Variants in GALNT18 observed in about 807,000 individuals in gnomAD.
GALNT18 encodes GalNAc-transferase 18.
GALNT18 carries 44 observed loss-of-function variants against 69.5 expected under a neutral mutation model. The observed-to-expected ratio is 0.63, with a 90% CI of 0.50 to 0.81. The LOEUF (loss-of-function observed/expected upper bound fraction) is 0.81, where lower values mean the gene tolerates loss of function less well. Among genes scored for constraint, GALNT18 ranks in the 40% least tolerant of loss-of-function variants. The pLI, the probability that GALNT18 is intolerant of heterozygous loss-of-function variation, is 0.00. For synonymous variants in GALNT18, 364 were observed against 318.2 expected, an observed-to-expected ratio of 1.14 and a Z score of -1.53; for missense variants, 715 against 810.0, an observed-to-expected ratio of 0.88 and a Z score of 1.42.
At chr11:11,303,801 T>C (rs1849535545) in intron 9 of GALNT18, among the ~76,000 whole-genome samples, 1 of 152,232 alleles carries the variant, frequency 6.6e-6, no homozygotes, top group Admixed American at 6.5e-5. Flanking sequence ...CACAAACTTA[T>C]CTTGCCAATC....
intron 3 of GALNT18, among the ~76,000 whole-genome samples, chr11:11,418,739 C>T (rs1222194527): frequency 6.6e-6 from 1 of 152,198 alleles, no homozygotes. Flanking sequence ...CTTGAGAATG[C>T]ACTCTGTGAA....
chr11:11,325,898 T>C (rs1316444811), intron 9 of GALNT18, among the ~76,000 whole-genome samples: 1 of 152,052 alleles, frequency 6.6e-6, no homozygotes, highest in Non-Finnish European at 1.5e-5. Flanking sequence ...CAATGGACAA[T>C]CCCTGGGAAG....
chr11:11,602,225 C>T lies in GALNT18; in HGVS notation c.235+19134G>A, dbSNP rs1408933095. 6.6e-6 allele frequency among the ~76,000 whole-genome samples: 1 copy of T among 152,162 alleles called. No homozygotes were observed. The highest frequency in any genetic ancestry group is 1.5e-5 in the Non-Finnish European group (1 of 68,038). On this transcript the variant is annotated intron_variant, in intron 1 of 10. Coordinates refer to ENST00000227756, the MANE Select transcript of GALNT18 (RefSeq NM_198516.3). This position sits in a 1 kb window ranked among gnomAD's most constrained non-coding sequence, Gnocchi z 4.7. ...CTGGGTGGAGATGGTAGTCACTGAT[C>T]TTCTTGAATTGTCTCTCCTGTTATG...
In GALNT18 at chr11:11,542,421, G is replaced by T. The variant is rs1416373111; in HGVS notation, c.235+78938C>A. ...TTCTTTATATATCTGTCTCCACCCT[G>T]TACCACCCATTCCAGCAAAGGCCAC... On this transcript the variant is annotated intron_variant, in intron 1 of 10. Transcript: ENST00000227756. This position sits in a 1 kb window ranked among gnomAD's most constrained non-coding sequence, Gnocchi z 4.3. Among the ~76,000 whole-genome samples, 2 of 152,156 alleles carry T rather than the reference G, an allele frequency of 1.3e-5. No homozygotes were observed.
intron 1 of GALNT18, among the ~76,000 whole-genome samples, chr11:11,449,475 C>T (rs756480322): frequency 4.6e-5 from 7 of 152,182 alleles, no homozygotes; most frequent in South Asian, 2.1e-4. Context: ...GTCAGCACCC[C>T]GGCCAGACTG....
At chr11:11,550,309 A>G (rs1460601506) in intron 1 of GALNT18, among the ~76,000 whole-genome samples, 1 of 152,210 alleles carries the variant, frequency 6.6e-6, no homozygotes, top group Non-Finnish European at 1.5e-5. Context: ...AAAGGCTTCC[A>G]TGCTTCGGAC....
chr11:11,281,687 T>C (rs2132986337), intron 10 of GALNT18, among the ~76,000 whole-genome samples: 1 of 152,168 alleles, frequency 6.6e-6, no homozygotes, highest in South Asian at 2.1e-4. Flanking sequence ...CTTCAGAGAC[T>C]CCCATCTGAT....
Position 11,616,604 on chromosome 11 carries a change from T to G in GALNT18, c.235+4755A>C, listed in dbSNP as rs1242055565. 1.3e-5 allele frequency among the ~76,000 whole-genome samples: 2 copies of G among 152,210 alleles called. No individual in the cohort carries two copies. The highest frequency in any genetic ancestry group is 2.9e-5 in the Non-Finnish European group (2 of 68,042). On this transcript the variant is annotated intron_variant, in intron 1 of 10. Coordinates refer to ENST00000227756, the MANE Select transcript of GALNT18 (RefSeq NM_198516.3). The surrounding 1 kb of genome is among the most constrained non-coding windows in gnomAD (Gnocchi z 4.4). The stretch of plus-strand genomic sequence containing the variant: ...TACTATGCAGTCATTAAAAATACAG[T>G]AAAAGTTCTCTTTAGAAACTCTCCA...
intron 8 of GALNT18, among the ~76,000 whole-genome samples, chr11:11,330,997 C>G (rs1009348229): frequency 2.0e-5 from 3 of 152,196 alleles, no homozygotes; most frequent in Non-Finnish European, 4.4e-5. Context: ...GCCACAGCAG[C>G]GTAACTCTCC....
intron 1 of GALNT18, among the ~76,000 whole-genome samples, chr11:11,490,227 T>TGTAACA: frequency 1.3e-5 from 1 of 74,494 alleles, no homozygotes; most frequent in East Asian, 4.2e-4. Flanking sequence ...TCTCTCTCTC[T>TGTAACA]CTCTCTAACA....
At chr11:11,431,685 C>T (rs4579919) in intron 3 of GALNT18, among the ~76,000 whole-genome samples, 41,264 of 152,054 alleles carry the variant, frequency 0.27, 5,878 homozygotes, top group African/African-American at 0.34. Flanking sequence ...CTTTAATTGA[C>T]AACAAATCAC....
At position 11,601,463 on chromosome 11, in the gene GALNT18, C is replaced by G. The variant is rs1859633249; in HGVS notation, c.235+19896G>C. Among the ~76,000 whole-genome samples the G allele has an allele frequency of 6.6e-6, 1 of 152,208 alleles. No individual in the cohort carries two copies. Among genetic ancestry groups the G allele is most frequent in the Non-Finnish European group, 1.5e-5 (1 of 68,036 alleles). Reference sequence around the variant, plus strand: ...TTAGCAGAGCTCCTTTTAACTGTCTCTATTGCTTATCTCCCTGTTACATTT... The same window carrying G: ...TTAGCAGAGCTCCTTTTAACTGTCTGTATTGCTTATCTCCCTGTTACATTT... On this transcript the variant is annotated intron_variant, in intron 1 of 10. Transcript: ENST00000227756. This position sits in a 1 kb window ranked among gnomAD's most constrained non-coding sequence, Gnocchi z 4.0.
In GALNT18 at chr11:11,587,455, G is replaced by A. The variant is rs1859253968; in HGVS notation, c.235+33904C>T. 6.6e-6 allele frequency among the ~76,000 whole-genome samples: 1 copy of A among 152,216 alleles called. No homozygotes were observed. Among genetic ancestry groups the A allele is most frequent in the African/African-American group, 2.4e-5 (1 of 41,450 alleles). On this transcript the variant is annotated intron_variant, in intron 1 of 10. Transcript: ENST00000227756. The surrounding 1 kb of genome is among the most constrained non-coding windows in gnomAD (Gnocchi z 4.4). ...GTGAAGACTGCATCCCAGCTTTTCT[G>A]CAGGTTGCTAATGAGCAGTGAGCAT...
chr11:11,516,876 A>C (rs1325047555), intron 1 of GALNT18, among the ~76,000 whole-genome samples: 1 of 152,220 alleles, frequency 6.6e-6, no homozygotes, highest in East Asian at 1.9e-4. Flanking sequence ...ACTGAGCTGC[A>C]ATATGTCCAG....
chr11:11,574,860 G>A (rs1032518568), intron 1 of GALNT18, among the ~76,000 whole-genome samples: 10 of 152,344 alleles, frequency 6.6e-5, no homozygotes, highest in African/African-American at 2.2e-4. Flanking sequence ...AAGGTTTGCT[G>A]CTCAACACTC....
chr11:11,363,617 C>A (rs1290407087), intron 6 of GALNT18, among the ~76,000 whole-genome samples: 1 of 152,022 alleles, frequency 6.6e-6, no homozygotes, highest in East Asian at 1.9e-4. Flanking sequence ...ATTCTGTTGT[C>A]CTAAGTTTGA....
In GALNT18 at chr11:11,583,009, T is replaced by G. The variant is rs904635581; in HGVS notation, c.235+38350A>C. Among the ~76,000 whole-genome samples the G allele has an allele frequency of 7.2e-5, 11 of 152,082 alleles. No homozygotes were observed. The highest frequency in any genetic ancestry group is 2.7e-4 in the African/African-American group (11 of 41,344). ...CCCATGCTATTTTTATATCCCAAAA[T>G]GAGAGGCATGGGACTCTAAGTCCTG... On this transcript the variant is annotated intron_variant, in intron 1 of 10. Coordinates refer to ENST00000227756, the MANE Select transcript of GALNT18 (RefSeq NM_198516.3). This position sits in a 1 kb window ranked among gnomAD's most constrained non-coding sequence, Gnocchi z 4.7.
chr11:11,490,984 G>A (rs1287106487), intron 1 of GALNT18, among the ~76,000 whole-genome samples: 1 of 152,234 alleles, frequency 6.6e-6, no homozygotes, highest in African/African-American at 2.4e-5. Context: ...GGAGGTGTGG[G>A]TGGCAAGGTG....
chr11:11,499,301 T>C (rs1298990050), intron 1 of GALNT18, among the ~76,000 whole-genome samples: 1 of 152,346 alleles, frequency 6.6e-6, no homozygotes, highest in East Asian at 1.9e-4. Flanking sequence ...CAATGAGCCA[T>C]CAGCGCTGAC....
Sources: allele counts gnomAD v4.1 joint callset (sites outside exome capture counted in the v4.1 genomes callset), GRCh38; gene constraint gnomAD v4.1.1; non-coding constraint Gnocchi (gnomAD v3.1); transcripts MANE v1.5; gene names NCBI Gene and HGNC (gene_info 2026-07-23, HGNC 2026-07-21).